Variants in RBFOX3 observed in about 807,000 individuals in gnomAD.
RBFOX3 encodes RNA binding fox-1 homolog 3, also known as RNA binding protein fox-1 homolog 3.
A neutral mutation model predicts 48.7 loss-of-function variants in RBFOX3; 17 were observed. The observed-to-expected ratio is 0.35, with a 90% confidence interval of 0.24 to 0.52. The LOEUF is 0.52. RBFOX3 is among the 20% of genes least tolerant of loss of function. The probability of loss-of-function intolerance (pLI) is 0.94; values close to 1 mark genes in which losing one functional copy is unlikely to be tolerated. For missense variants in RBFOX3, 382 were observed against 497.5 expected (o/e 0.77, Z 2.21); for synonymous variants, 212 against 209.5 (o/e 1.01, Z -0.10).
At chr17:79,510,191 AGGTGCCACGGAAAAGCCACCAGC>A (rs1225629923) in intron 1 of RBFOX3, among the ~76,000 whole-genome samples, 3 of 152,094 alleles carry the variant, frequency 2.0e-5, no homozygotes, top group Admixed American at 6.5e-5. Flanking sequence ...GTGTCGACAG[AGGTGCCACGGAAAAGCCACCAGC>A]CCTTCCCATC....
intron 1 of RBFOX3, among the ~76,000 whole-genome samples, chr17:79,581,075 G>A (rs1473691933): frequency 7.2e-5 from 11 of 152,032 alleles, no homozygotes; most frequent in South Asian, 2.1e-4. Context: ...GTGAAACCCC[G>A]TCTCTACTAA....
chr17:79,190,435 A>AAAAAAC (rs2054283530), intron 4 of RBFOX3, among the ~76,000 whole-genome samples: 1 of 149,630 alleles, frequency 6.7e-6, no homozygotes. Flanking sequence ...AAAAAAACAA[A>AAAAAAC]AAAACAGAGT....
chr17:79,407,131 C>T (rs565137799), intron 2 of RBFOX3, among the ~76,000 whole-genome samples: 2 of 152,350 alleles, frequency 1.3e-5, no homozygotes, highest in Admixed American at 1.3e-4. Context: ...CCTCAGCCTC[C>T]CAAGTAGCTG....
At chr17:79,132,865 C>A in intron 4 of RBFOX3, 1 of 152,414 alleles carries the variant, frequency 6.6e-6, no homozygotes. Flanking sequence ...AAGCCCTTCC[C>A]CTGGGAGCAG....
chr17:79,429,050 C>T (rs1047724210), intron 2 of RBFOX3, among the ~76,000 whole-genome samples: 3 of 152,216 alleles, frequency 2.0e-5, no homozygotes, highest in Non-Finnish European at 4.4e-5. Context: ...AGATTCTCCC[C>T]TACCCAGAAC....
chr17:79,119,947 A>G (rs2612781), intron 4 of RBFOX3, among the ~76,000 whole-genome samples: 52,001 of 152,086 alleles, frequency 0.34, 8,918 homozygotes, highest in Middle Eastern at 0.4. Context: ...CAGAAAAGCA[A>G]AGTGTATCAG....
At chr17:79,325,644 T>A (rs921409771) in intron 2 of RBFOX3, among the ~76,000 whole-genome samples, 7 of 151,944 alleles carry the variant, frequency 4.6e-5, no homozygotes, top group African/African-American at 1.7e-4. Flanking sequence ...AAATAATCAA[T>A]CAATAAAAAA....
intron 4 of RBFOX3, among the ~76,000 whole-genome samples, chr17:79,125,566 C>T (rs778272097): frequency 6.6e-5 from 10 of 152,140 alleles, no homozygotes; most frequent in Non-Finnish European, 8.8e-5. Context: ...AGGGAGCAGG[C>T]GGCAAGGAGA....
chr17:79,139,607 T>C (rs1226323437), intron 4 of RBFOX3, among the ~76,000 whole-genome samples: 2 of 152,156 alleles, frequency 1.3e-5, no homozygotes, highest in African/African-American at 4.8e-5. Flanking sequence ...GGGAGGAGGA[T>C]GCACTGCCGG....
At chr17:79,478,923 AGAGGCAATGAACCAGGGCT>A (rs1455257045) in intron 2 of RBFOX3, among the ~76,000 whole-genome samples, 9 of 152,246 alleles carry the variant, frequency 5.9e-5, no homozygotes, top group Non-Finnish European at 1.3e-4. Flanking sequence ...TTTCCGAGGC[AGAGGCAATGAACCAGGGCT>A]GAGGCAATGT....
At chr17:79,146,090 A>T (rs1366004122) in intron 4 of RBFOX3, among the ~76,000 whole-genome samples, 1 of 152,118 alleles carries the variant, frequency 6.6e-6, no homozygotes, top group Non-Finnish European at 1.5e-5. Context: ...CAGGAGGTGG[A>T]GCTCAGGTGG....
At chr17:79,197,734 C>G (rs1161754567) in intron 4 of RBFOX3, among the ~76,000 whole-genome samples, 1 of 152,170 alleles carries the variant, frequency 6.6e-6, no homozygotes, top group Non-Finnish European at 1.5e-5. Context: ...ATCGTCCACG[C>G]AGCCAGGGCT....
chr17:79,633,706 G>A, the RBFOX3 span, among the ~76,000 whole-genome samples: 1 of 152,140 alleles, frequency 6.6e-6, no homozygotes, highest in African/African-American at 2.4e-5. Context: ...AGGGCCAGGT[G>A]GGTCAGTAGA....
intron 1 of RBFOX3, among the ~76,000 whole-genome samples, chr17:79,539,278 G>A (rs1196127724): frequency 1.3e-5 from 2 of 152,184 alleles, no homozygotes; most frequent in Non-Finnish European, 2.9e-5. Context: ...CTTGAGCCCA[G>A]GGGGTCACGG....
At position 79,106,705 on chromosome 17, in the gene RBFOX3, G is replaced by A. The variant is rs575797622; in HGVS notation, c.306C>T (p.His102=). Residue 102 remains histidine, a synonymous_variant, in exon 6 of 15, where the codon CAC becomes CAT. Transcript: ENST00000693108. The part of the protein sequence containing the change: ...PTEKQQPKRL[H]VSNIPFRFRD... ...TGAACCGGAAGGGGATGTTGGAGAC[G>A]TGTAGCCGCTTGGGCTGCTGCTTCT... 46 of 1,496,396 alleles carry A rather than the reference G, an allele frequency of 3.1e-5. No homozygotes were observed. Among genetic ancestry groups the A allele is most frequent in the Middle Eastern group, 3.5e-4 (2 of 5,770 alleles). 92.7% of individuals were successfully genotyped at this position (1,496,396 alleles called of 1,614,324 possible). A position where few individuals can be genotyped will look rare whatever the true frequency, so the allele number is the denominator to read the frequency against.
the RBFOX3 span, among the ~76,000 whole-genome samples, chr17:79,653,226 G>A: frequency 2.0e-5 from 3 of 152,298 alleles, no homozygotes; most frequent in South Asian, 2.1e-4. Context: ...GCACAGGGTT[G>A]AGCAAAGAAA....
In RBFOX3 at chr17:79,103,929, C is replaced by G; in HGVS notation, c.414+144G>C. 1 of 680,334 alleles carries G rather than the reference C, an allele frequency of 1.5e-6. No homozygotes were observed. Among genetic ancestry groups the G allele is most frequent in the Non-Finnish European group, 2.6e-6 (1 of 388,036 alleles). 42.1% of individuals were successfully genotyped at this position (680,334 alleles called of 1,614,324 possible). A position where few individuals can be genotyped will look rare whatever the true frequency, so the allele number is the denominator to read the frequency against. ...GGGGTGGGGGCGGGGCGGGTGGGGG[C>G]GGAAGAGCGGGGAATACAAGCACCC... On this transcript the variant is annotated intron_variant, in intron 7 of 14. Transcript: ENST00000693108. This position sits in a 1 kb window ranked among gnomAD's most constrained non-coding sequence, Gnocchi z 6.1.
chr17:79,421,403 C>T lies in RBFOX3; in HGVS notation c.-175+61051G>A, dbSNP rs936963065. Among the ~76,000 whole-genome samples, 1 of 152,162 alleles carries T rather than the reference C, an allele frequency of 6.6e-6. No individual in the cohort carries two copies. Among genetic ancestry groups the T allele is most frequent in the Non-Finnish European group, 1.5e-5 (1 of 68,014 alleles). ...ATGGCCCCCTCAATGTGGAAGGAGG[C>T]TGGGCCTGGCTGCCTGCCAAGCCTA... On this transcript the variant is annotated intron_variant, in intron 2 of 14. Coordinates refer to ENST00000693108, the MANE Select transcript of RBFOX3 (RefSeq NM_001350451.2). This position sits in a 1 kb window ranked among gnomAD's most constrained non-coding sequence, Gnocchi z 4.5.
chr17:79,322,957 C>G (rs1449016216), intron 2 of RBFOX3, among the ~76,000 whole-genome samples: 1 of 152,204 alleles, frequency 6.6e-6, no homozygotes, highest in Non-Finnish European at 1.5e-5. Context: ...GGCCAGCTGG[C>G]CCTGAGCTCA....
Sources: gnomAD v4.1 joint callset for allele counts (sites outside exome capture counted in the v4.1 genomes callset) on GRCh38, gnomAD v4.1.1 for gene constraint, Gnocchi (gnomAD v3.1) non-coding constraint, MANE v1.5 for transcripts, NCBI Gene and HGNC (gene_info 2026-07-23, HGNC 2026-07-21) for gene names.